Variants in TSGA10 observed in about 807,000 individuals in gnomAD.
The protein encoded by TSGA10 is testis-specific gene 10 protein.
A neutral mutation model predicts 96.6 loss-of-function variants in TSGA10; 43 were observed. That is an observed-to-expected ratio of 0.44 (90% confidence interval 0.35 to 0.57). The LOEUF (loss-of-function observed/expected upper bound fraction) is 0.57. Ranked by LOEUF, TSGA10 falls within the 20% of genes least tolerant of loss-of-function variation. TSGA10 has a pLI of 0.01. For synonymous variants in TSGA10, 229 were observed against 269.9 expected (o/e 0.85, Z 1.48); for missense variants, 703 against 834.4 (o/e 0.84, Z 1.94).
At chr2:99,078,271 G>GA (rs200891345) in intron 12 of TSGA10, among the ~76,000 whole-genome samples, 39,267 of 81,266 alleles carry the variant, frequency 0.48, 8,984 homozygotes, top group African/African-American at 0.65. Flanking sequence ...ACTCCCGTTT[G>GA]AAAAAAAAAA....
intron 17 of TSGA10, among the ~76,000 whole-genome samples, chr2:99,030,570 G>C (rs1232809319): frequency 6.6e-6 from 1 of 150,916 alleles, no homozygotes; most frequent in Admixed American, 6.6e-5. Flanking sequence ...AGAATTACTT[G>C]AGCCCAGGGG....
chr2:99,115,351 T>TA (rs554698460), intron 4 of TSGA10, among the ~76,000 whole-genome samples: 1 of 152,112 alleles, frequency 6.6e-6, no homozygotes, highest in Admixed American at 6.5e-5. Context: ...AAAATTAAGT[T>TA]AAAAAAAATT....
At chr2:99,129,909 T>TAA (rs1358990999) in intron 1 of TSGA10, among the ~76,000 whole-genome samples, 9 of 152,172 alleles carry the variant, frequency 5.9e-5, no homozygotes, top group African/African-American at 1.7e-4. Context: ...GTTCTTGTGT[T>TAA]AGTTTGCTGA....
intron 17 of TSGA10, among the ~76,000 whole-genome samples, chr2:99,026,253 C>T (rs994083582): frequency 6.6e-6 from 1 of 152,180 alleles, no homozygotes; most frequent in African/African-American, 2.4e-5. Flanking sequence ...TCCTACATAG[C>T]TGTTTTTCTT....
chr2:99,140,941 C>T, intron 1 of TSGA10: 2 of 476,090 alleles, frequency 4.2e-6, no homozygotes, highest in Non-Finnish European at 6.3e-6. Flanking sequence ...CTGCCCCTCA[C>T]AGCCGCTCCC....
intron 10 of TSGA10, among the ~76,000 whole-genome samples, chr2:99,097,366 T>C (rs1480652718): frequency 2.0e-5 from 3 of 152,098 alleles, no homozygotes; most frequent in Non-Finnish European, 4.4e-5. Context: ...AGAATAAATG[T>C]ACAGGTAAAT....
intron 16 of TSGA10, among the ~76,000 whole-genome samples, chr2:99,062,483 C>A (rs749296602): frequency 6.6e-6 from 1 of 152,148 alleles, no homozygotes; most frequent in East Asian, 1.9e-4. Flanking sequence ...TGCCTCTAAT[C>A]CTAGCACTTT....
In TSGA10 at chr2:99,115,301, T is replaced by C. The variant is rs2092162839; in HGVS notation, c.-140+2243A>G. ...TACCATTAAACTGTGAATGTTACTT[T>C]AAAAAAAGTAACAATACATTCCACC... On this transcript the variant is annotated intron_variant, in intron 4 of 20. Coordinates refer to ENST00000393483, the MANE Select transcript of TSGA10 (RefSeq NM_025244.4). Among the ~76,000 whole-genome samples, 4 of 151,922 alleles carry C rather than the reference T, an allele frequency of 2.6e-5. No individual in the cohort carries two copies. In the South Asian group the frequency reaches 8.3e-4, roughly 31 times the overall value.
intron 14 of TSGA10, among the ~76,000 whole-genome samples, chr2:99,070,534 A>G (rs1475755037): frequency 3.9e-5 from 6 of 152,174 alleles, no homozygotes; most frequent in Non-Finnish European, 8.8e-5. Flanking sequence ...TGAGTATCAA[A>G]AACATGGGGG....
rs531371067 is a variant in TSGA10, at chr2:99,003,762, G to A, written c.2073-5541C>T. ...GTTCTTTGAAACTAATGAGAACAAA[G>A]ACACAACATACCAGAATATCTGGGA... On this transcript the variant is annotated intron_variant, in intron 20 of 20. Coordinates refer to ENST00000393483, the MANE Select transcript of TSGA10 (RefSeq NM_025244.4). Among the ~76,000 whole-genome samples, 160 of 152,276 alleles carry A rather than the reference G, an allele frequency of 1.1e-3. 3 individuals carry two copies. The highest frequency in any genetic ancestry group is 3.1e-4 in the Non-Finnish European group (21 of 68,024).
chr2:99,081,433 TTTTTG>T, intron 10 of TSGA10, 36 bp from the exon 11 acceptor site: 1 of 1,340,696 alleles, frequency 7.5e-7, no homozygotes, highest in South Asian at 1.5e-5. Context: ...AATTCTGAAA[TTTTTG>T]TTTTGTCATC....
intron 16 of TSGA10, among the ~76,000 whole-genome samples, chr2:99,053,906 T>G (rs2083687762): frequency 6.6e-6 from 1 of 152,078 alleles, no homozygotes; most frequent in African/African-American, 2.4e-5. Context: ...TGGAAAGATA[T>G]TCCATGTTTA....
At chr2:99,080,358 ACACT>A (rs1437506072) in intron 11 of TSGA10, among the ~76,000 whole-genome samples, 4 of 152,172 alleles carry the variant, frequency 2.6e-5, no homozygotes, top group Non-Finnish European at 5.9e-5. Context: ...TTCCAAAATA[ACACT>A]CACTTCTGGG....
chr2:99,009,761 T>C (rs1031897198), intron 20 of TSGA10, among the ~76,000 whole-genome samples: 1 of 152,072 alleles, frequency 6.6e-6, no homozygotes, highest in Non-Finnish European at 1.5e-5. Flanking sequence ...ATATAAGTAA[T>C]GGAAGAAAGC....
intron 13 of TSGA10, 43 bp downstream of exon 13, chr2:99,072,974 GC>G (rs757896663): frequency 3.3e-5 from 46 of 1,385,536 alleles, no homozygotes; most frequent in Non-Finnish European, 4.5e-5. Context: ...ATGGTACTTG[GC>G]CCCCCAGTAA....
chr2:99,020,387 C>T lies in TSGA10; in HGVS notation c.1710G>A (p.Leu570=). The change falls in exon 18 of 21, where the codon TTG becomes TTA. Residue 570 remains leucine, a synonymous_variant. Coordinates refer to ENST00000393483, the MANE Select transcript of TSGA10 (RefSeq NM_025244.4). ...ATTCTTTGTCTCGATTGGCCACCAG[C>T]AAAGCTTCTAGATTCTGCATGGAGA... The part of the protein sequence containing the change: ...ERISMQNLEA[L]LVANRDKEYQ... The T allele has an allele frequency of 6.2e-7, 1 of 1,613,898 alleles. No homozygotes were observed. Among genetic ancestry groups the T allele is most frequent in the South Asian group, 1.1e-5 (1 of 91,070 alleles).
chr2:99,059,764 A>C (rs780898241), intron 16 of TSGA10, among the ~76,000 whole-genome samples: 10 of 149,154 alleles, frequency 6.7e-5, no homozygotes, highest in Non-Finnish European at 1.3e-4. Flanking sequence ...AAATGCAAAA[A>C]TTAGCCAGGC....
chr2:99,040,342 A>G (rs936308395), intron 16 of TSGA10, among the ~76,000 whole-genome samples: 8 of 152,192 alleles, frequency 5.3e-5, no homozygotes, highest in Admixed American at 2.6e-4. Context: ...CTGTTCGCCA[A>G]TTATAGGATC....
At chr2:99,082,742 G>T (rs1356239913) in intron 10 of TSGA10, among the ~76,000 whole-genome samples, 1 of 151,980 alleles carries the variant, frequency 6.6e-6, no homozygotes, top group African/African-American at 2.4e-5. Flanking sequence ...GGAGTCAAAA[G>T]ACACACAAAC....
Sources: allele counts gnomAD v4.1 joint callset (sites outside exome capture counted in the v4.1 genomes callset), GRCh38; gene constraint gnomAD v4.1.1; transcripts MANE v1.5; gene names NCBI Gene and HGNC (gene_info 2026-07-23, HGNC 2026-07-21).